The following BPNT1 variants were observed in gnomAD, a reference collection of about 807,000 sequenced individuals.
The protein encoded by BPNT1 is 3'(2'),5'-bisphosphate nucleotidase 1.
Under a neutral mutation model 36.9 loss-of-function variants are expected in BPNT1, and 28 were observed. The observed-to-expected ratio is 0.76, with a 90% CI of 0.56 to 1.04. The LOEUF is 1.04. Ranked by LOEUF, BPNT1 falls within the 50% of genes least tolerant of loss-of-function variation. BPNT1 has a pLI of 0.00. For missense variants in BPNT1, 313 were observed against 372.9 expected (o/e 0.84, Z 1.32); for synonymous variants, 119 against 130.9 (o/e 0.91, Z 0.62).
At chr1:220,060,170 T>A (rs1013509383) in intron 7 of BPNT1, among the ~76,000 whole-genome samples, 4 of 152,102 alleles carry the variant, frequency 2.6e-5, no homozygotes, top group Non-Finnish European at 5.9e-5. Context: ...TTTCAACATC[T>A]AAAAAATTGA....
intron 1 of BPNT1, among the ~76,000 whole-genome samples, chr1:220,088,473 C>T (rs1270008422): frequency 7.3e-5 from 9 of 122,826 alleles, no homozygotes; most frequent in South Asian, 5.8e-4. Context: ...ACAGAGACTC[C>T]GACTCAAAAA....
chr1:220,085,036 A>G (rs1174005427), intron 1 of BPNT1, among the ~76,000 whole-genome samples: 1 of 151,996 alleles, frequency 6.6e-6, no homozygotes, highest in Non-Finnish European at 1.5e-5. Context: ...TTTCTTAACT[A>G]TTTTTTAAAC....
chr1:220,073,338 G>C (rs569193794), intron 3 of BPNT1, among the ~76,000 whole-genome samples: 55 of 151,820 alleles, frequency 3.6e-4, no homozygotes, highest in African/African-American at 1.3e-3. Flanking sequence ...GCCCAGGCTG[G>C]AGTGCAGGGA....
chr1:220,087,345 A>G (rs1655830720), intron 1 of BPNT1, among the ~76,000 whole-genome samples: 1 of 152,140 alleles, frequency 6.6e-6, no homozygotes, highest in Non-Finnish European at 1.5e-5. Context: ...TGACGAGGTC[A>G]GGAGTTCAAG....
chr1:220,060,100 G>A (rs1002076087), intron 7 of BPNT1, among the ~76,000 whole-genome samples: 4 of 152,058 alleles, frequency 2.6e-5, no homozygotes, highest in African/African-American at 4.8e-5. Context: ...TTTTATTCAC[G>A]TTGTTTTTCT....
chr1:220,088,107 C>A (rs1169463260), intron 1 of BPNT1, among the ~76,000 whole-genome samples: 1 of 151,950 alleles, frequency 6.6e-6, no homozygotes, highest in Non-Finnish European at 1.5e-5. Context: ...GAACTTCCGA[C>A]CTCATGGCCT....
intron 2 of BPNT1, among the ~76,000 whole-genome samples, chr1:220,077,013 A>C (rs953628397): frequency 1.3e-5 from 2 of 152,162 alleles, no homozygotes; most frequent in African/African-American, 4.8e-5. Context: ...TGTTTTCTAT[A>C]TCATCTTCCA....
At chr1:220,067,494 A>C in intron 5 of BPNT1, 101 bp from the exon 6 acceptor site, 1 of 694,582 alleles carries the variant, frequency 1.4e-6, no homozygotes, top group South Asian at 1.9e-5. Context: ...TAAGGTATGG[A>C]ATTTGCAATG....
At chr1:220,079,685 C>T (rs777893965) in intron 2 of BPNT1, 42 bp downstream of exon 2, 1 of 1,610,786 alleles carries the variant, frequency 6.2e-7, no homozygotes, top group Non-Finnish European at 8.5e-7. Context: ...ACCTCAAGAA[C>T]AAAAATCAAG....
At chr1:220,059,250 T>C (rs1383753320) in intron 8 of BPNT1, among the ~76,000 whole-genome samples, 4 of 129,844 alleles carry the variant, frequency 3.1e-5, no homozygotes, top group South Asian at 2.6e-4. Context: ...TTTCTTTTTT[T>C]TTTTTTTTTT....
At chr1:220,068,685 C>A (rs1663768655) in intron 5 of BPNT1, among the ~76,000 whole-genome samples, 2 of 151,960 alleles carry the variant, frequency 1.3e-5, no homozygotes, top group African/African-American at 4.8e-5. Context: ...GTGGCAGGTG[C>A]CTGTAATCCC....
chr1:220,058,908 A>C lies in BPNT1; in HGVS notation c.863T>G (p.Leu288Arg), dbSNP rs1662754175. 1 of 1,613,964 alleles carries C rather than the reference A, an allele frequency of 6.2e-7. No homozygotes were observed. The highest frequency in any genetic ancestry group is 1.3e-5 in the African/African-American group (1 of 75,028). ...HMNSAGVLATLRNYDYYASRV... is the reference protein window; with the variant it reads ...HMNSAGVLATRRNYDYYASRV... Reference sequence around the variant, plus strand: ...GCTTGCATAGTAGTCATAATTCCTCAGTGTGGCCAGGACTCCTGCAGAGTT... The same window carrying C: ...GCTTGCATAGTAGTCATAATTCCTCCGTGTGGCCAGGACTCCTGCAGAGTT... Residue 288 changes from leucine to arginine, a missense_variant, in exon 9 of 9, where the codon CTG becomes CGG. Coordinates refer to ENST00000322067, the MANE Select transcript of BPNT1 (RefSeq NM_006085.6).
chr1:220,078,133 CTG>C (rs1262832711), intron 2 of BPNT1, among the ~76,000 whole-genome samples: 4 of 148,124 alleles, frequency 2.7e-5, no homozygotes, highest in Non-Finnish European at 5.9e-5. Context: ...ATCAGTAGGA[CTG>C]TGCCACTGCA....
At chr1:220,060,312 T>C (rs1346722379) in intron 7 of BPNT1, among the ~76,000 whole-genome samples, 1 of 152,010 alleles carries the variant, frequency 6.6e-6, no homozygotes, top group Non-Finnish European at 1.5e-5. Context: ...CCATCTCTAC[T>C]AAAAATACAA....
chr1:220,083,236 C>CA (rs539820488), intron 1 of BPNT1, among the ~76,000 whole-genome samples: 20,145 of 112,134 alleles, frequency 0.18, 1,788 homozygotes, highest in Admixed American at 0.26. Flanking sequence ...GACTCCATCT[C>CA]AAAAAAAAAA....
intron 6 of BPNT1, chr1:220,065,947 G>A: frequency 1.8e-6 from 1 of 543,106 alleles, no homozygotes; most frequent in Non-Finnish European, 3.1e-6. Context: ...GAGAGGTAAT[G>A]AAGAGAAGCA....
rs553069512 is a variant in BPNT1 at position 220,069,362 on chromosome 1, T to C, written c.382+22A>G. 3.2e-6 allele frequency: 5 copies of C among 1,565,538 alleles called. 1 individual carries two copies. The highest frequency in any genetic ancestry group is 4.5e-5 in the East Asian group (2 of 44,078). On this transcript the variant is annotated intron_variant, in intron 5 of 8. Transcript: ENST00000322067. ...ATCCTTGTCCCACTACTGTCAAATA[T>C]GAATACAAAAGAGATATCAACCTTC...
At chr1:220,079,983 C>T in intron 1 of BPNT1, 129 bp from the exon 2 acceptor site, 1 of 905,888 alleles carries the variant, frequency 1.1e-6, no homozygotes, top group Non-Finnish European at 1.6e-6. Context: ...TGAGTAAATT[C>T]TTTAATATAT....
At chr1:220,072,563 C>T (rs1664164920) in intron 4 of BPNT1, among the ~76,000 whole-genome samples, 1 of 152,134 alleles carries the variant, frequency 6.6e-6, no homozygotes, top group African/African-American at 2.4e-5. Context: ...AATCCAACCA[C>T]CTCGGCCTCC....
Sources: allele counts gnomAD v4.1 joint callset (sites outside exome capture counted in the v4.1 genomes callset), GRCh38; gene constraint gnomAD v4.1.1; transcripts MANE v1.5; gene names NCBI Gene and HGNC (gene_info 2026-07-23, HGNC 2026-07-21).